Variants in UNC45A observed in about 807,000 individuals in gnomAD.
UNC45A encodes protein unc-45 homolog A.
In UNC45A, 78 loss-of-function variants were observed where a neutral mutation model predicts 103.2. The observed-to-expected ratio is 0.76, with a 90% confidence interval of 0.63 to 0.91. The LOEUF is 0.91. Among genes scored for constraint, UNC45A ranks in the 40% least tolerant of loss-of-function variants. The pLI, the probability that UNC45A is intolerant of heterozygous loss-of-function variation, is 0.00. For synonymous variants in UNC45A, 495 were observed against 504.6 expected (o/e 0.98, Z 0.25); for missense variants, 1,193 against 1,224.8 (o/e 0.97, Z 0.39).
intron 12 of UNC45A, 117 bp from the exon 13 acceptor site, chr15:90,948,537 A>T: frequency 6.7e-7 from 1 of 1,491,766 alleles, no homozygotes; most frequent in South Asian, 1.3e-5. Context: ...TCCCGAATTC[A>T]TCCTGTACCC....
intron 3 of UNC45A, 87 bp downstream of exon 3, chr15:90,936,069 T>G: frequency 6.3e-7 from 1 of 1,585,182 alleles, no homozygotes; most frequent in Non-Finnish European, 8.6e-7. Flanking sequence ...CACATTCTCC[T>G]CCTTTGGCCC....
At chr15:90,935,219 C>T (rs2035938542), upstream of UNC45A, 3 of 1,185,398 alleles carry the variant, frequency 2.5e-6, no homozygotes, top group African/African-American at 1.5e-5. Flanking sequence ...TCTGACCCCA[C>T]CTCCGACGCA....
At chr15:90,947,657 G>T in intron 10 of UNC45A, 139 bp from the exon 11 acceptor site, 1 of 638,712 alleles carries the variant, frequency 1.6e-6, no homozygotes. Context: ...GTGGTCTGGA[G>T]GGAGAGGGTG....
upstream of UNC45A, chr15:90,931,550 A>G (rs762089808): frequency 6.2e-7 from 1 of 1,613,988 alleles, no homozygotes; most frequent in Non-Finnish European, 8.5e-7. Context: ...CAGCTATTGT[A>G]TTTTTACTGT....
At chr15:90,946,582 T>C (rs756432088) in intron 9 of UNC45A, 32 bp from the exon 10 acceptor site, 1 of 1,563,922 alleles carries the variant, frequency 6.4e-7, no homozygotes, top group Non-Finnish European at 8.7e-7. Flanking sequence ...ATGTTGGCCT[T>C]GGTGTGACGG....
At chr15:90,943,164 G>T in intron 8 of UNC45A, 82 bp downstream of exon 8, 1 of 1,482,422 alleles carries the variant, frequency 6.7e-7, no homozygotes. Context: ...GTTGTGAGTG[G>T]GGCCAGGCAT....
chr15:90,931,764 G>C (rs1326529539), upstream of UNC45A: 1 of 1,614,124 alleles, frequency 6.2e-7, no homozygotes. Context: ...AGCTTCACCA[G>C]TTTGGCCCCG....
At position 90,953,999 on chromosome 15, in the gene UNC45A, C is replaced by A. The variant is rs747691341; in HGVS notation, c.*283C>A. On this transcript the variant is annotated 3_prime_UTR_variant, in exon 20 of 20. Transcript: ENST00000418476. ...GTGCATCCCAACACAGCCTGTGGATCCTGGGGCATCTGGAAGGGCGCACAC... is the reference window on the plus strand; with the variant it reads ...GTGCATCCCAACACAGCCTGTGGATACTGGGGCATCTGGAAGGGCGCACAC... The A allele has an allele frequency of 1.2e-4, 56 of 476,012 alleles. No individual in the cohort carries two copies. Among genetic ancestry groups the A allele is most frequent in the Non-Finnish European group, 2.0e-4 (52 of 259,776 alleles). The allele number at this position is 476,012 out of a possible 1,614,324, so 29.5% of individuals were successfully genotyped here.
upstream of UNC45A, chr15:90,932,620 G>A (rs2035845688): frequency 1.0e-5 from 9 of 890,842 alleles, no homozygotes; most frequent in Non-Finnish European, 1.3e-5. Flanking sequence ...GGGGAGGCCC[G>A]GGGATCGTGG....
upstream of UNC45A, chr15:90,932,276 G>T: frequency 2.4e-6 from 2 of 845,570 alleles, no homozygotes; most frequent in Non-Finnish European, 3.6e-6. Flanking sequence ...GAACGATCAT[G>T]CCTACCGTTC....
At chr15:90,931,269 C>T (rs1390656942), upstream of UNC45A, 2 of 1,550,770 alleles carry the variant, frequency 1.3e-6, no homozygotes, top group South Asian at 1.2e-5. Flanking sequence ...TAGCTTCAAG[C>T]ACTGATCAGA....
At position 90,940,646 on chromosome 15, in the gene UNC45A, C is replaced by T. The variant is rs1044115081; in HGVS notation, c.687+173C>T. Reference sequence around the variant, plus strand: ...AAAGAACTTAGGTAGGTTATGGTGCCTCACACCTGTAATCCCAGCACTTTG... The same window carrying T: ...AAAGAACTTAGGTAGGTTATGGTGCTTCACACCTGTAATCCCAGCACTTTG... On this transcript the variant is annotated intron_variant, in intron 6 of 19. Coordinates refer to ENST00000418476, the MANE Select transcript of UNC45A (RefSeq NM_018671.5). The T allele has an allele frequency of 4.0e-6, 3 of 745,252 alleles. No homozygotes were observed. In the Admixed American group the frequency reaches 1.1e-4, roughly 27 times the overall value. The allele number at this position is 745,252 out of a possible 1,614,324, so 46.2% of individuals were successfully genotyped here. A position where few individuals can be genotyped will look rare whatever the true frequency, so the allele number is the denominator to read the frequency against.
chr15:90,947,955 GGTGGGGGTTGGGGC>G (rs1305831447), intron 11 of UNC45A, 65 bp downstream of exon 11: 47 of 1,498,104 alleles, frequency 3.1e-5, no homozygotes, highest in Admixed American at 2.4e-4. Flanking sequence ...CAGGGGTCTG[GGTGGGGGTTGGGGC>G]CTCCTCCGTC....
chr15:90,948,780 G>A lies in UNC45A; in HGVS notation c.1864G>A (p.Glu622Lys), dbSNP rs199835757. ...LAKYAKQHVP[E>K]QHPKDKPSFV... Reference sequence around the variant, plus strand: ...CAAGTATGCCAAGCAGCATGTGCCCGAGCAGCACCCCAAGGTGAGGGGCCG... The same window carrying A: ...CAAGTATGCCAAGCAGCATGTGCCCAAGCAGCACCCCAAGGTGAGGGGCCG... Residue 622 changes from glutamate to lysine, a missense_variant, in exon 13 of 20, where the codon GAG becomes AAG. Glu to Lys is a moderately conservative substitution (Grantham distance 56, BLOSUM62 1). Coordinates refer to ENST00000418476, the MANE Select transcript of UNC45A (RefSeq NM_018671.5). The A allele has an allele frequency of 8.7e-6, 14 of 1,606,992 alleles. No homozygotes were observed. Among genetic ancestry groups the A allele is most frequent in the African/African-American group, 4.0e-5 (3 of 74,724 alleles).
intron 4 of UNC45A, among the ~76,000 whole-genome samples, chr15:90,938,382 T>C (rs946103043): frequency 2.0e-5 from 3 of 152,210 alleles, no homozygotes; most frequent in African/African-American, 7.2e-5. Flanking sequence ...GATAACATGA[T>C]GGCAGACACC....
chr15:90,943,889 A>G (rs569021565), intron 8 of UNC45A, among the ~76,000 whole-genome samples: 122 of 149,682 alleles, frequency 8.2e-4, no homozygotes, highest in African/African-American at 2.9e-3. Flanking sequence ...GAATCTCACC[A>G]TGTTGGCCAG....
rs533577237 is a variant in UNC45A at position 90,948,706 on chromosome 15, C to T, written c.1790C>T (p.Thr597Ile). The change falls in exon 13 of 20, where the codon ACC (threonine) becomes ATC (isoleucine). Residue 597 changes from threonine (T) to isoleucine (I), a missense_variant. Transcript: ENST00000418476. ...FAVASALVNC[T>I]NSYDYEEPDP... ...GTGGCCTCAGCGCTGGTGAACTGCA[C>T]CAACAGCTATGACTACGAGGAGCCC... The T allele has an allele frequency of 1.2e-6, 2 of 1,613,976 alleles. No individual in the cohort carries two copies. Among genetic ancestry groups the T allele is most frequent in the South Asian group, 1.1e-5 (1 of 91,072 alleles).
At chr15:90,940,628 T>A in intron 6 of UNC45A, 155 bp downstream of exon 6, 1 of 959,038 alleles carries the variant, frequency 1.0e-6, no homozygotes, top group Non-Finnish European at 1.4e-6. Flanking sequence ...TAAAAAGAAC[T>A]TAGGTAGGTT....
At chr15:90,944,810 C>T in intron 8 of UNC45A, 82 bp from the exon 9 acceptor site, 9 of 1,499,186 alleles carry the variant, frequency 6.0e-6, no homozygotes, top group Non-Finnish European at 8.1e-6. Flanking sequence ...TTGCTTTTCT[C>T]CACATCTCCT....
Sources: allele counts gnomAD v4.1 joint callset (sites outside exome capture counted in the v4.1 genomes callset), GRCh38; gene constraint gnomAD v4.1.1; transcripts MANE v1.5; gene names NCBI Gene and HGNC (gene_info 2026-07-23, HGNC 2026-07-21).